The following LONRF2 variants were observed in gnomAD, a reference collection of about 807,000 sequenced individuals.
The protein encoded by LONRF2 is LON peptidase N-terminal domain and ring finger 2.
Under a neutral mutation model 66.6 loss-of-function variants are expected in LONRF2, and 35 were observed. The observed-to-expected ratio is 0.53, with a 90% CI of 0.40 to 0.70. The LOEUF is 0.70. Among genes scored for constraint, LONRF2 ranks in the 30% least tolerant of loss-of-function variants. LONRF2 has a pLI of 0.00. For missense variants in LONRF2, 902 were observed against 1,002.1 expected (o/e 0.90, Z 1.35); for synonymous variants, 417 against 418.1 (o/e 1.00, Z 0.03).
intron 11 of LONRF2, among the ~76,000 whole-genome samples, chr2:100,285,113 T>C (rs921616918): frequency 1.1e-4 from 17 of 152,238 alleles, no homozygotes; most frequent in Non-Finnish European, 1.9e-4. Context: ...ATATTCTTAG[T>C]ACTGGAACCA....
intron 10 of LONRF2, among the ~76,000 whole-genome samples, chr2:100,287,435 A>T (rs1478307174): frequency 1.3e-5 from 2 of 152,202 alleles, no homozygotes; most frequent in Admixed American, 6.5e-5. Flanking sequence ...ATAAACATTT[A>T]TGGAAAAGTT....
intron 4 of LONRF2, among the ~76,000 whole-genome samples, chr2:100,300,242 CCTTTG>C (rs1327160096): frequency 4.7e-5 from 5 of 105,804 alleles, no homozygotes; most frequent in African/African-American, 1.8e-4. Flanking sequence ...TCAAATCATC[CCTTTG>C]CTTTATTTTT....
At chr2:100,308,091 C>T (rs540726619) in intron 2 of LONRF2, among the ~76,000 whole-genome samples, 17 of 152,150 alleles carry the variant, frequency 1.1e-4, no homozygotes, top group African/African-American at 3.9e-4. Context: ...GGAGGGAGGC[C>T]GGGCGTGGTG....
chr2:100,310,876 ATAATT>A (rs1195034855), intron 1 of LONRF2, among the ~76,000 whole-genome samples: 1 of 152,238 alleles, frequency 6.6e-6, no homozygotes, highest in Non-Finnish European at 1.5e-5. Context: ...TATGGTAACA[ATAATT>A]TAAGTACTTT....
rs1193292812 is a variant in LONRF2 at position 100,275,889 on chromosome 2, A to G, written c.*8409T>C. ...AAGGGAAAAAACATTAAAGGTAACT[A>G]AATAGACTGTGTATTTATGCGTGTG... On this transcript the variant is annotated 3_prime_UTR_variant, in exon 12 of 12. Coordinates refer to ENST00000393437, the MANE Select transcript of LONRF2 (RefSeq NM_198461.4). The G allele has an allele frequency of 2.0e-5, 3 of 152,248 alleles. No individual in the cohort carries two copies. Among genetic ancestry groups the G allele is most frequent in the Non-Finnish European group, 4.4e-5 (3 of 68,056 alleles). The allele number at this position is 152,248 out of a possible 1,614,324, so 9.4% of individuals were successfully genotyped here.
Position 100,322,215 on chromosome 2 carries a change from G to T in LONRF2, c.-122C>A. 9.7e-7 allele frequency: 1 copy of T among 1,034,634 alleles called. No homozygotes were observed. Among genetic ancestry groups the T allele is most frequent in the Non-Finnish European group, 1.2e-6 (1 of 818,564 alleles). 64.1% of individuals were successfully genotyped at this position (1,034,634 alleles called of 1,614,324 possible). A position where few individuals can be genotyped will look rare whatever the true frequency, so the allele number is the denominator to read the frequency against. On this transcript the variant is annotated 5_prime_UTR_variant, in exon 1 of 12. Coordinates refer to ENST00000393437, the MANE Select transcript of LONRF2 (RefSeq NM_198461.4). The stretch of plus-strand genomic sequence containing the variant: ...CCCTCGCCAGCAGCCACGCGCGTCT[G>T]GGGGCGGCGCGCTGCGAGCGGCTGA...
rs2105712548 is a variant in LONRF2 at position 100,284,494 on chromosome 2, T to C, written c.2071-2A>G. On this transcript the variant is annotated splice_acceptor_variant, in intron 11 of 11. Transcript: ENST00000393437. LOFTEE classifies it high-confidence loss of function. Reference sequence around the variant, plus strand: ...CCAGGCAGGGCCGCTGGGATTACTCTGCAAAAGAGATGAGGGGAAAGCAAG... The same window carrying C: ...CCAGGCAGGGCCGCTGGGATTACTCCGCAAAAGAGATGAGGGGAAAGCAAG... 1 of 1,561,066 alleles carries C rather than the reference T, an allele frequency of 6.4e-7. No homozygotes were observed. Among genetic ancestry groups the C allele is most frequent in the Non-Finnish European group, 8.7e-7 (1 of 1,152,912 alleles).
In LONRF2 at chr2:100,277,330, A is replaced by G. The variant is rs1469969424; in HGVS notation, c.*6968T>C. ...TAAAGCAGTAAATGGCTGGATGCCT[A>G]CTGGGCTCTCCTGGACACAGAGGCT... On this transcript the variant is annotated 3_prime_UTR_variant, in exon 12 of 12. Transcript: ENST00000393437. The G allele has an allele frequency of 6.6e-6, 1 of 152,124 alleles. No individual in the cohort carries two copies. Among genetic ancestry groups the G allele is most frequent in the Non-Finnish European group, 1.5e-5 (1 of 68,022 alleles). 9.4% of individuals were successfully genotyped at this position (152,124 alleles called of 1,614,324 possible). A position where few individuals can be genotyped will look rare whatever the true frequency, so the allele number is the denominator to read the frequency against.
intron 10 of LONRF2, 104 bp downstream of exon 10, chr2:100,290,154 A>C: frequency 3.7e-6 from 4 of 1,068,372 alleles, no homozygotes; most frequent in Non-Finnish European, 5.4e-6. Flanking sequence ...TGAATTAAGG[A>C]CTTAAGTAAT....
At chr2:100,299,964 T>C (rs924078754) in intron 4 of LONRF2, 46 bp from the exon 5 acceptor site, 1 of 1,127,536 alleles carries the variant, frequency 8.9e-7, no homozygotes, top group Non-Finnish European at 1.2e-6. Context: ...AAAGAAATCA[T>C]AGCATAAGAG....
chr2:100,321,175 C>T (rs1316897693), intron 1 of LONRF2, among the ~76,000 whole-genome samples: 1 of 152,154 alleles, frequency 6.6e-6, no homozygotes, highest in Non-Finnish European at 1.5e-5. Flanking sequence ...CTCCGGGGGC[C>T]GCGGGAAACT....
intron 2 of LONRF2, among the ~76,000 whole-genome samples, chr2:100,308,219 A>C (rs1382764050): frequency 8.7e-6 from 1 of 115,568 alleles, no homozygotes; most frequent in African/African-American, 3.3e-5. Context: ...AAATACAAAA[A>C]ATTAGCTGGG....
intron 1 of LONRF2, among the ~76,000 whole-genome samples, chr2:100,317,344 A>C (rs143811809): frequency 2.7e-4 from 41 of 152,050 alleles, no homozygotes; most frequent in Middle Eastern, 3.4e-3. Flanking sequence ...GAATATGCAA[A>C]CCTGATTTAG....
At position 100,321,574 on chromosome 2, in the gene LONRF2, G is replaced by A. The variant is rs1675627589; in HGVS notation, c.520C>T (p.Pro174Ser). Residue 174 changes from proline to serine, a missense_variant, in exon 1 of 12, where the codon CCG (proline) becomes TCG (serine). Coordinates refer to ENST00000393437, the MANE Select transcript of LONRF2 (RefSeq NM_198461.4). ...KRCVEPGPAR[P>S]QVRRVNVVLS... is the part of the protein sequence containing the mutation. ...ACCACGTTCACGCGCCGCACCTGCG[G>A]CCGCGCGGGCCCTGGCTCCACGCAG... 6.5e-7 allele frequency: 1 copy of A among 1,532,598 alleles called. No homozygotes were observed. The highest frequency in any genetic ancestry group is 2.0e-5 in the Admixed American group (1 of 50,214). 94.9% of individuals were successfully genotyped at this position (1,532,598 alleles called of 1,614,324 possible). A position where few individuals can be genotyped will look rare whatever the true frequency, so the allele number is the denominator to read the frequency against.
In LONRF2 at chr2:100,300,796, T is replaced by C. The variant is rs749329870; in HGVS notation, c.922-9A>G. On this transcript the variant is annotated splice_polypyrimidine_tract_variant and intron_variant, in intron 3 of 11. Coordinates refer to ENST00000393437, the MANE Select transcript of LONRF2 (RefSeq NM_198461.4). ...AGCACTTCACACATTACCTATAAAA[T>C]TGCCAAGAAAAGAAAAAATATATAT... The C allele has an allele frequency of 6.4e-7, 1 of 1,570,690 alleles. No homozygotes were observed. Among genetic ancestry groups the C allele is most frequent in the Non-Finnish European group, 8.6e-7 (1 of 1,164,444 alleles).
intron 1 of LONRF2, among the ~76,000 whole-genome samples, 169 bp downstream of exon 1, chr2:100,321,246 G>T (rs1349735831): frequency 6.6e-6 from 1 of 152,200 alleles, no homozygotes; most frequent in African/African-American, 2.4e-5. Flanking sequence ...TGGCTGCAGG[G>T]TGTGGCCGCC....
chr2:100,316,058 C>T lies in LONRF2; in HGVS notation c.679+5357G>A, dbSNP rs577076718. On this transcript the variant is annotated intron_variant, in intron 1 of 11. Transcript: ENST00000393437. ...TTTTCTGGCCGGGTGCGGTGGCTCA[C>T]ACCTGTAATCCCAGCACTTTGGGAG... is the stretch of plus-strand genomic sequence containing the variant. Among the ~76,000 whole-genome samples the T allele has an allele frequency of 2.0e-5, 3 of 152,204 alleles. No homozygotes were observed. The East Asian group carries it at 5.8e-4, about 29-fold the overall frequency.
At chr2:100,286,686 T>A (rs928963582) in intron 11 of LONRF2, among the ~76,000 whole-genome samples, 4 of 152,196 alleles carry the variant, frequency 2.6e-5, no homozygotes, top group African/African-American at 9.7e-5. Flanking sequence ...ATAAACTGAT[T>A]GTTGTTAGAA....
In LONRF2 at chr2:100,276,799, A is replaced by G. The variant is rs1195467808; in HGVS notation, c.*7499T>C. ...CAGATTTGGCTAACATGTCCCATTA[A>G]GTGTCTACTTGCACAGCTTCTTGGC... is the stretch of plus-strand genomic sequence containing the variant. On this transcript the variant is annotated 3_prime_UTR_variant, in exon 12 of 12. Coordinates refer to ENST00000393437, the MANE Select transcript of LONRF2 (RefSeq NM_198461.4). 6.6e-6 allele frequency: 1 copy of G among 152,246 alleles called. No homozygotes were observed. Among genetic ancestry groups the G allele is most frequent in the East Asian group, 1.9e-4 (1 of 5,190 alleles). The allele number at this position is 152,246 out of a possible 1,614,324, so 9.4% of individuals were successfully genotyped here. A position where few individuals can be genotyped will look rare whatever the true frequency, so the allele number is the denominator to read the frequency against.
Sources: allele counts gnomAD v4.1 joint callset (sites outside exome capture counted in the v4.1 genomes callset), GRCh38; gene constraint gnomAD v4.1.1; transcripts MANE v1.5; gene names NCBI Gene and HGNC (gene_info 2026-07-23, HGNC 2026-07-21).